The following CKAP2 variants were observed in gnomAD, a reference collection of about 807,000 sequenced individuals.
CKAP2 encodes the protein cytoskeleton associated protein 2, also known as cytoskeleton-associated protein 2.
In CKAP2, 46 loss-of-function variants were observed where a neutral mutation model predicts 58.4. That is an observed-to-expected ratio of 0.79 (90% CI 0.62 to 1.01). CKAP2 has a LOEUF of 1.01. Ranked by LOEUF, CKAP2 falls within the 50% of genes least tolerant of loss-of-function variation. The probability of loss-of-function intolerance (pLI) is 0.00; values close to 1 mark genes in which losing one functional copy is unlikely to be tolerated. For synonymous variants in CKAP2, 293 were observed against 280.9 expected (o/e 1.04, Z -0.43); for missense variants, 809 against 796.4 (o/e 1.02, Z -0.19).
intron 1 of CKAP2, 84 bp from the exon 2 acceptor site, chr13:52,456,439 C>G (rs547382858): frequency 1.8e-6 from 2 of 1,106,212 alleles, no homozygotes; most frequent in Non-Finnish European, 1.3e-6. Flanking sequence ...TGGAAGTAAA[C>G]TCTTCATTTA....
Position 52,461,907 on chromosome 13 carries a change from G to A in CKAP2, c.1081G>A (p.Glu361Lys). 6.3e-7 allele frequency: 1 copy of A among 1,599,558 alleles called. No homozygotes were observed. The highest frequency in any genetic ancestry group is 1.8e-5 in the Admixed American group (1 of 56,458). ...TGATAGTAGATCAGCTCAGCCCAAA[G>A]AAACCTCGGAAGAGAGAAAGTAAGT... ...IVDSRSAQPK[E>K]TSEERKARLS... The change falls in exon 4 of 9, where the codon GAA becomes AAA. Residue 361 changes from glutamate to lysine, a missense_variant. Glu to Lys is a moderately conservative substitution (Grantham distance 56). Coordinates refer to ENST00000258607, the MANE Select transcript of CKAP2 (RefSeq NM_018204.5).
chr13:52,465,459 G>A lies in CKAP2; in HGVS notation c.1470G>A (p.Gly490=). Residue 490 remains glycine (G), a synonymous_variant, in exon 6 of 9, where the codon GGG becomes GGA. Transcript: ENST00000258607. Reference sequence around the variant, plus strand: ...TCTATGAGAAAGCCATTCTGGCAGGGGCTCAGGTAAGATAAAAATTTACTG... The same window carrying A: ...TCTATGAGAAAGCCATTCTGGCAGGAGCTCAGGTAAGATAAAAATTTACTG... ...IAIYEKAILA[G]AQPIEEMRHT... is the part of the protein sequence containing the mutation. 6.2e-7 allele frequency: 1 copy of A among 1,612,022 alleles called. No individual in the cohort carries two copies. Among genetic ancestry groups the A allele is most frequent in the Non-Finnish European group, 8.5e-7 (1 of 1,178,866 alleles).
rs374570533 is a variant in CKAP2 at position 52,466,937 on chromosome 13, A to C, written c.1477-1341A>C. On this transcript the variant is annotated intron_variant, in intron 6 of 8. Transcript: ENST00000258607. Reference sequence around the variant, plus strand: ...AGGGTGAGACCCCCCATCTCTGCAAAAAATAAAATTTTTAAAGTTTTTTTT... The same window carrying C: ...AGGGTGAGACCCCCCATCTCTGCAACAAATAAAATTTTTAAAGTTTTTTTT... Among the ~76,000 whole-genome samples the C allele has an allele frequency of 1.2e-4, 18 of 152,112 alleles. No homozygotes were observed. In the East Asian group the frequency reaches 3.1e-3, roughly 26 times the overall value.
At chr13:52,462,947 T>C (rs936438835) in intron 5 of CKAP2, among the ~76,000 whole-genome samples, 3 of 152,194 alleles carry the variant, frequency 2.0e-5, no homozygotes, top group Non-Finnish European at 2.9e-5. Flanking sequence ...ACGTTTTGTT[T>C]GTTTGTTTGC....
intron 6 of CKAP2, chr13:52,465,967 A>ACACACATATATG (rs151220880): frequency 7.2e-5 from 9 of 125,754 alleles, no homozygotes; most frequent in Non-Finnish European, 1.2e-4. Flanking sequence ...ACACATATAT[A>ACACACATATATG]CACACATATA....
intron 2 of CKAP2, among the ~76,000 whole-genome samples, chr13:52,458,203 A>G (rs1047647520): frequency 4.6e-5 from 7 of 152,142 alleles, no homozygotes; most frequent in Non-Finnish European, 7.4e-5. Flanking sequence ...CCGTATACTG[A>G]AATAGGAAGC....
intron 6 of CKAP2, among the ~76,000 whole-genome samples, chr13:52,467,046 G>A (rs1958688792): frequency 6.7e-6 from 1 of 148,456 alleles, no homozygotes; most frequent in Admixed American, 6.8e-5. Flanking sequence ...AGACTAGTGA[G>A]CCATGATTAT....
intron 5 of CKAP2, among the ~76,000 whole-genome samples, chr13:52,463,650 T>G (rs1395690763): frequency 6.6e-6 from 1 of 152,166 alleles, no homozygotes; most frequent in African/African-American, 2.4e-5. Context: ...TACACCGTGT[T>G]TTATTTTTTT....
rs140040526 is a variant in CKAP2, at chr13:52,475,091, C to T, written c.1999C>T (p.Arg667Cys). ...LGRETDAFVCRPNAALCRVYY... is the reference protein window; with the variant it reads ...LGRETDAFVCCPNAALCRVYY... ...AAGAGAAACTGATGCTTTTGTATGC[C>T]GCCCTAATGCAGCACTGTGCCGGGT... is the stretch of plus-strand genomic sequence containing the variant. Residue 667 changes from arginine (R) to cysteine (C), a missense_variant, in exon 9 of 9, where the codon CGC becomes TGC. Physicochemically the swap from Arg to Cys is radical, Grantham distance 180. This residue lies in a region of CKAP2 where 283 missense variants were observed against 287.6 expected (regional missense o/e 0.98). Coordinates refer to ENST00000258607, the MANE Select transcript of CKAP2 (RefSeq NM_018204.5). 4.0e-5 allele frequency: 65 copies of T among 1,614,100 alleles called. No individual in the cohort carries two copies. The highest frequency in any genetic ancestry group is 2.0e-4 in the African/African-American group (15 of 75,012).
At chr13:52,462,850 G>A (rs1344853800) in intron 5 of CKAP2, among the ~76,000 whole-genome samples, 5 of 152,162 alleles carry the variant, frequency 3.3e-5, no homozygotes, top group African/African-American at 9.6e-5. Context: ...GGGACCAGAA[G>A]TAATTGAAGA....
chr13:52,459,855 G>A (rs1486252971), intron 2 of CKAP2, among the ~76,000 whole-genome samples: 2 of 151,906 alleles, frequency 1.3e-5, no homozygotes, highest in African/African-American at 4.8e-5. Flanking sequence ...TTGCAATACC[G>A]CCTAGAAACT....
At chr13:52,469,386 T>C (rs1356717901) in intron 7 of CKAP2, among the ~76,000 whole-genome samples, 2 of 152,162 alleles carry the variant, frequency 1.3e-5, no homozygotes, top group Admixed American at 1.3e-4. Flanking sequence ...ATCTGTTGTG[T>C]TGGCTAGAAA....
rs546672930 is a variant in CKAP2 at position 52,459,591 on chromosome 13, A to G, written c.156-1308A>G. On this transcript the variant is annotated intron_variant, in intron 2 of 8. Transcript: ENST00000258607. ...GCCCACCTTCTCTACCCAGAGTGCT[A>G]GGATTACAGGTGTGACCCACTGTTC... Among the ~76,000 whole-genome samples the G allele has an allele frequency of 4.1e-4, 63 of 151,824 alleles. 3 individuals carry two copies. The South Asian group carries it at 0.013, about 31-fold the overall frequency.
chr13:52,465,791 A>G (rs1258452912), intron 6 of CKAP2: 7 of 446,276 alleles, frequency 1.6e-5, no homozygotes, highest in Non-Finnish European at 2.2e-5. Context: ...TAATATTAAA[A>G]TTTGTTTATT....
Position 52,460,598 on chromosome 13 carries a change from G to A in CKAP2, c.156-301G>A, listed in dbSNP as rs529285410. Reference sequence around the variant, plus strand: ...TAGCTGGGACTACAGGACTACAAGCGCCCGCCACCATGCCCGGCTAATTTT... The same window carrying A: ...TAGCTGGGACTACAGGACTACAAGCACCCGCCACCATGCCCGGCTAATTTT... On this transcript the variant is annotated intron_variant, in intron 2 of 8. Transcript: ENST00000258607. Among the ~76,000 whole-genome samples, 107 of 148,272 alleles carry A rather than the reference G, an allele frequency of 7.2e-4. 1 individual carries two copies. The highest frequency in any genetic ancestry group is 2.6e-3 in the African/African-American group (106 of 40,044).
chr13:52,465,399 AC>A lies in CKAP2; in HGVS notation c.1412del (p.Pro471GlnfsTer32), dbSNP rs1489896491. The A allele has an allele frequency of 6.2e-7, 1 of 1,613,422 alleles. No individual in the cohort carries two copies. Among genetic ancestry groups the A allele is most frequent in the African/African-American group, 1.3e-5 (1 of 74,920 alleles). On this transcript the variant is annotated frameshift_variant, in exon 6 of 9. Coordinates refer to ENST00000258607, the MANE Select transcript of CKAP2 (RefSeq NM_018204.5). LOFTEE classifies it high-confidence loss of function. ...KYWICLALIE[P>X]ITSPIENIIA... ...ATTGGATATGTCTTGCACTTATTGA[AC>A]CAATCACAAGTCCTATTGAAAATAT...
At position 52,461,627 on chromosome 13, in the gene CKAP2, G is replaced by C; in HGVS notation, c.801G>C (p.Val267=). ...ATCACAGTAATACCCGGGACACTGTGAAACAAGGCATCAGTAGAACTTCTG... is the reference window on the plus strand; with the variant it reads ...ATCACAGTAATACCCGGGACACTGTCAAACAAGGCATCAGTAGAACTTCTG... The part of the protein sequence containing the change: ...RSHHSNTRDT[V]KQGISRTSAN... The change falls in exon 4 of 9, where the codon GTG becomes GTC. Residue 267 remains valine (V), a synonymous_variant. Transcript: ENST00000258607. 4 of 1,614,108 alleles carry C rather than the reference G, an allele frequency of 2.5e-6. No homozygotes were observed. The highest frequency in any genetic ancestry group is 3.4e-6 in the Non-Finnish European group (4 of 1,180,000).
At chr13:52,473,552 C>G (rs1198051091) in intron 7 of CKAP2, 8 of 287,510 alleles carry the variant, frequency 2.8e-5, no homozygotes, top group Non-Finnish European at 4.5e-5. Context: ...GAAGCATTCC[C>G]TAACCATCTC....
chr13:52,467,815 GTTTT>G lies in CKAP2; in HGVS notation c.1477-454_1477-451del, dbSNP rs1178927283. Among the ~76,000 whole-genome samples, 3 of 143,806 alleles carry G rather than the reference GTTTT, an allele frequency of 2.1e-5. No individual in the cohort carries two copies. In the Admixed American group the frequency reaches 2.1e-4, roughly 10 times the overall value. 94.3% of individuals were successfully genotyped at this position (143,806 alleles called of 152,430 possible). A position where few individuals can be genotyped will look rare whatever the true frequency, so the allele number is the denominator to read the frequency against. ...TTTTGGTTTTTTTGTTTTTGTTTTT[GTTTT>G]TTTTTTTTGAGATGGAGTCTCACTC... On this transcript the variant is annotated intron_variant, in intron 6 of 8. Coordinates refer to ENST00000258607, the MANE Select transcript of CKAP2 (RefSeq NM_018204.5).
Sources: gnomAD v4.1 joint callset for allele counts (sites outside exome capture counted in the v4.1 genomes callset) on GRCh38, gnomAD v4.1.1 for gene constraint, gnomAD v4.1.1 regional missense constraint, MANE v1.5 for transcripts, NCBI Gene and HGNC (gene_info 2026-07-23, HGNC 2026-07-21) for gene names.